IAPP: variants seen among roughly 807,000 people sequenced by gnomAD.
The protein encoded by IAPP is Islet amyloid polypeptide (diabetes-associated peptide; amylin).
In IAPP, 4 loss-of-function variants were observed where a neutral mutation model predicts 2.9. The ratio of observed to expected loss-of-function variants is 1.39; its 90% confidence interval spans 0.69 to 3.19. The LOEUF (loss-of-function observed/expected upper bound fraction) is 3.19, where lower values mean the gene tolerates loss of function less well. Among genes scored for constraint, IAPP ranks in the 30% most tolerant of loss-of-function variants. The probability of loss-of-function intolerance (pLI) is 0.01; values close to 1 mark genes in which losing one functional copy is unlikely to be tolerated. For missense variants in IAPP, 114 were observed against 105.3 expected (o/e 1.08, Z -0.36); for synonymous variants, 40 against 42.1 (o/e 0.95, Z 0.19).
upstream of IAPP, among the ~76,000 whole-genome samples, chr12:21,371,394 T>G (rs1170179538): frequency 2.8e-5 from 4 of 140,716 alleles, no homozygotes; most frequent in East Asian, 7.9e-4. Flanking sequence ...TCCTTCCATT[T>G]CTTTTGATTT....
chr12:21,365,240 C>A lies in IAPP; in HGVS notation c.-15-8097C>A, dbSNP rs547747381. On this transcript the variant is annotated intron_variant, in intron 1 of 2. Coordinates refer to the IAPP transcript ENST00000539393. ...CAGAATAGAGCCCTCAGAAATAATA[C>A]CACACATCTACAACCATCTGATCTT... 2.6e-5 allele frequency among the ~76,000 whole-genome samples: 4 copies of A among 152,202 alleles called. No individual in the cohort carries two copies. The South Asian group carries it at 8.3e-4, about 32-fold the overall frequency.
chr12:21,359,759 A>AAT (rs1352066675), intron 1 of IAPP, among the ~76,000 whole-genome samples: 1 of 152,128 alleles, frequency 6.6e-6, no homozygotes, highest in East Asian at 1.9e-4. Flanking sequence ...AAAAAAAAAA[A>AAT]AAATCAATGG....
chr12:21,375,414 T>A (rs1034257769), intron 2 of IAPP, among the ~76,000 whole-genome samples: 11 of 152,198 alleles, frequency 7.2e-5, no homozygotes, highest in African/African-American at 2.4e-4. Context: ...GGAAAATGTG[T>A]CAAATTTTAA....
chr12:21,363,253 G>A (rs553650294), intron 1 of IAPP, among the ~76,000 whole-genome samples: 237 of 152,080 alleles, frequency 1.6e-3, no homozygotes, highest in African/African-American at 5.2e-3. Flanking sequence ...ACTCAAAACC[G>A]CTCAACTACA....
chr12:21,375,497 A>AT lies in IAPP; in HGVS notation c.80+2072dup, dbSNP rs1388523423. Among the ~76,000 whole-genome samples, 9 of 152,330 alleles carry AT rather than the reference A, an allele frequency of 5.9e-5. No homozygotes were observed. The South Asian group carries it at 1.0e-3, about 18-fold the overall frequency. ...ACAAAATTTAATCATCTCATTTGAG[A>AT]TTTTTTCAATTTGTAAATGTATGAA... On this transcript the variant is annotated intron_variant, in intron 2 of 2. Transcript: ENST00000240652.
intron 1 of IAPP, among the ~76,000 whole-genome samples, chr12:21,360,536 T>A (rs1938758040): frequency 6.6e-6 from 1 of 152,162 alleles, no homozygotes; most frequent in South Asian, 2.1e-4. Context: ...ACCAGGTTCA[T>A]CTCACTGGGG....
rs766199373 is a variant in IAPP, at chr12:21,378,418, C to A, written c.262C>A (p.Pro88Thr). 2 of 1,612,192 alleles carry A rather than the reference C, an allele frequency of 1.2e-6. No homozygotes were observed. The highest frequency in any genetic ancestry group is 4.5e-5 in the East Asian group (2 of 44,874). ...VLKREPLNYL[P>T]L ...AAAGAGAGAGCCACTGAATTACTTG[C>A]CCCTTTAGAGGACAATGTAACTCTA... Residue 88 changes from proline to threonine, a missense_variant, in exon 3 of 3, where the codon CCC (proline) becomes ACC (threonine). Pro to Thr is a conservative substitution (Grantham distance 38, BLOSUM62 -1). Coordinates refer to ENST00000240652, the MANE Select transcript of IAPP (RefSeq NM_000415.3).
intron 2 of IAPP, among the ~76,000 whole-genome samples, chr12:21,374,998 T>C (rs1940086884): frequency 6.6e-6 from 1 of 152,020 alleles, no homozygotes; most frequent in Admixed American, 6.6e-5. Flanking sequence ...ATCTTTATTT[T>C]ATAGGGAAAG....
intron 1 of IAPP, among the ~76,000 whole-genome samples, chr12:21,361,959 GGA>G (rs1184496731): frequency 2.6e-4 from 40 of 152,168 alleles, no homozygotes; most frequent in Admixed American, 9.2e-4. Flanking sequence ...GAACCAAGTT[GGA>G]AAACACTCTT....
intron 1 of IAPP, among the ~76,000 whole-genome samples, chr12:21,359,603 CAG>C (rs768276852): frequency 2.0e-5 from 3 of 152,100 alleles, no homozygotes; most frequent in Non-Finnish European, 2.9e-5. Context: ...TCTAATTAGC[CAG>C]GCATGGTGGT....
At chr12:21,365,077 T>C (rs145910894) in intron 1 of IAPP, among the ~76,000 whole-genome samples, 3,893 of 152,134 alleles carry the variant, frequency 0.026, 65 homozygotes, top group East Asian at 0.052. Flanking sequence ...AAAAAAGAGC[T>C]CTCATTGCCA....
chr12:21,366,863 A>T (rs1939428734), intron 1 of IAPP, among the ~76,000 whole-genome samples: 1 of 152,042 alleles, frequency 6.6e-6, no homozygotes, highest in South Asian at 2.1e-4. Context: ...AAATAGTGAA[A>T]ATATATATAA....
chr12:21,361,783 G>A (rs1262998541), intron 1 of IAPP, among the ~76,000 whole-genome samples: 1 of 152,164 alleles, frequency 6.6e-6, no homozygotes, highest in Non-Finnish European at 1.5e-5. Flanking sequence ...TCAAATAGAA[G>A]AAAGGGTATC....
upstream of IAPP, among the ~76,000 whole-genome samples, chr12:21,371,004 C>G (rs1939746130): frequency 6.6e-6 from 1 of 152,228 alleles, no homozygotes; most frequent in Admixed American, 6.5e-5. Context: ...AACTCTGTGA[C>G]TGCTCCTGCA....
At chr12:21,369,160 AC>A (rs1939605934), upstream of IAPP, among the ~76,000 whole-genome samples, 1 of 152,216 alleles carries the variant, frequency 6.6e-6, no homozygotes, top group Non-Finnish European at 1.5e-5. Context: ...AACATCTTTT[AC>A]TTTTAAAATG....
chr12:21,362,829 C>T (rs981591059), intron 1 of IAPP, among the ~76,000 whole-genome samples: 1 of 152,174 alleles, frequency 6.6e-6, no homozygotes, highest in African/African-American at 2.4e-5. Flanking sequence ...AGGATCAATT[C>T]AACAAGAAGA....
intron 1 of IAPP, among the ~76,000 whole-genome samples, chr12:21,364,156 C>T (rs1487404171): frequency 6.6e-6 from 1 of 152,232 alleles, no homozygotes; most frequent in Admixed American, 6.5e-5. Context: ...CAATAAAATA[C>T]TGGCAAACCG....
chr12:21,362,527 A>G (rs12322242), intron 1 of IAPP, among the ~76,000 whole-genome samples: 49,146 of 151,940 alleles, frequency 0.32, 8,257 homozygotes, highest in East Asian at 0.46. Flanking sequence ...TCATAATGAC[A>G]GGATAAAATT....
At chr12:21,358,823 A>C (rs1938582108) in intron 1 of IAPP, among the ~76,000 whole-genome samples, 1 of 152,210 alleles carries the variant, frequency 6.6e-6, no homozygotes, top group Admixed American at 6.5e-5. Context: ...ATACCTACCA[A>C]AGCCACAAAG....
Sources: gnomAD v4.1 joint callset for allele counts (sites outside exome capture counted in the v4.1 genomes callset) on GRCh38, gnomAD v4.1.1 for gene constraint, MANE v1.5 for transcripts, NCBI Gene and HGNC (gene_info 2026-07-23, HGNC 2026-07-21) for gene names.